Variants in DGKB observed in about 807,000 individuals in gnomAD.
DGKB encodes 90 kDa diacylglycerol kinase.
Under a neutral mutation model 114.3 loss-of-function variants are expected in DGKB, and 67 were observed. The observed-to-expected ratio is 0.59, with a 90% CI of 0.48 to 0.72. The LOEUF is 0.72. DGKB is among the 30% of genes least tolerant of loss of function. The pLI, the probability that DGKB is intolerant of heterozygous loss-of-function variation, is 0.00. For missense variants in DGKB, 907 were observed against 975.2 expected (o/e 0.93, Z 0.93); for synonymous variants, 398 against 323.1 (o/e 1.23, Z -2.49).
intron 1 of DGKB, among the ~76,000 whole-genome samples, chr7:14,943,181 GTCTA>G (rs1785669786): frequency 6.6e-6 from 1 of 151,454 alleles, no homozygotes; most frequent in South Asian, 2.1e-4. Flanking sequence ...ATTTAAACCT[GTCTA>G]TCTGTTGTGT....
intron 23 of DGKB, among the ~76,000 whole-genome samples, chr7:14,223,272 CT>C (rs1790281164): frequency 6.6e-6 from 1 of 151,536 alleles, no homozygotes; most frequent in Admixed American, 6.6e-5. Flanking sequence ...CTTTAATGAT[CT>C]TTTTACTATC....
intron 23 of DGKB, among the ~76,000 whole-genome samples, chr7:14,210,829 G>T (rs1787649522): frequency 6.6e-6 from 1 of 152,002 alleles, no homozygotes; most frequent in Admixed American, 6.6e-5. Flanking sequence ...TCTGCTTCCT[G>T]TTACCATAGA....
At chr7:14,581,588 G>A (rs991715890) in intron 18 of DGKB, among the ~76,000 whole-genome samples, 22 of 152,078 alleles carry the variant, frequency 1.4e-4, no homozygotes, top group South Asian at 6.2e-4. Flanking sequence ...GATCTCTGCC[G>A]CTGACATCCC....
chr7:14,925,543 G>A (rs1784702850), intron 1 of DGKB, among the ~76,000 whole-genome samples: 2 of 152,038 alleles, frequency 1.3e-5, no homozygotes, highest in African/African-American at 4.8e-5. Context: ...AATATGGTAT[G>A]TCTTATTTAG....
intron 1 of DGKB, among the ~76,000 whole-genome samples, chr7:14,918,459 G>A (rs1243676069): frequency 6.6e-6 from 1 of 152,062 alleles, no homozygotes; most frequent in Non-Finnish European, 1.5e-5. Context: ...TCTATACACT[G>A]ACAATGAACA....
chr7:14,368,996 T>C (rs961773863), intron 21 of DGKB, among the ~76,000 whole-genome samples: 1 of 152,108 alleles, frequency 6.6e-6, no homozygotes, highest in East Asian at 1.9e-4. Flanking sequence ...TAGGTATACA[T>C]GTGCCATGGT....
At chr7:14,404,132 GGTT>G (rs1823570249) in intron 21 of DGKB, among the ~76,000 whole-genome samples, 1 of 150,824 alleles carries the variant, frequency 6.6e-6, no homozygotes, top group Non-Finnish European at 1.5e-5. Context: ...TATTTAGTGA[GGTT>G]GGATATCTAC....
At chr7:14,270,684 A>G (rs962026161) in intron 23 of DGKB, among the ~76,000 whole-genome samples, 1 of 152,344 alleles carries the variant, frequency 6.6e-6, no homozygotes. Flanking sequence ...TATACATAAG[A>G]AATATTTTCT....
chr7:14,928,775 G>C (rs978541962), intron 1 of DGKB, among the ~76,000 whole-genome samples: 2 of 151,776 alleles, frequency 1.3e-5, no homozygotes, highest in African/African-American at 4.8e-5. Context: ...TACATCATCA[G>C]AATAATGTAT....
chr7:14,168,267 T>C (rs930663846), intron 25 of DGKB, among the ~76,000 whole-genome samples: 6 of 151,826 alleles, frequency 4.0e-5, no homozygotes, highest in South Asian at 2.1e-4. Flanking sequence ...ATGTAAACAA[T>C]AGAAAATATA....
At chr7:14,184,179 A>G (rs1783055473) in intron 23 of DGKB, among the ~76,000 whole-genome samples, 1 of 152,130 alleles carries the variant, frequency 6.6e-6, no homozygotes, top group African/African-American at 2.4e-5. Flanking sequence ...CTGGCACCAT[A>G]CCACAGGGAT....
intron 8 of DGKB, 72 bp downstream of exon 8, chr7:14,698,023 G>T: frequency 3.8e-6 from 3 of 798,436 alleles, no homozygotes; most frequent in South Asian, 3.1e-5. Flanking sequence ...GAAAGAGAAA[G>T]AAAGAAAGAA....
At chr7:14,801,895 T>C (rs1200063369) in intron 2 of DGKB, among the ~76,000 whole-genome samples, 1 of 141,830 alleles carries the variant, frequency 7.1e-6, no homozygotes, top group South Asian at 2.2e-4. Context: ...TGTATATATA[T>C]ATACACACAT....
chr7:14,945,897 C>T (rs911106507), intron 1 of DGKB, among the ~76,000 whole-genome samples: 8 of 151,454 alleles, frequency 5.3e-5, no homozygotes, highest in Admixed American at 3.3e-4. Context: ...CAAGTCACAA[C>T]GTTTTCCTGA....
chr7:14,748,578 G>A (rs1564092549), intron 4 of DGKB, among the ~76,000 whole-genome samples: 1 of 152,114 alleles, frequency 6.6e-6, no homozygotes, highest in African/African-American at 2.4e-5. Flanking sequence ...GAGGACCAGA[G>A]TAGTAGAATA....
Position 14,178,144 on chromosome 7 carries a change from A to C in DGKB, c.2130T>G (p.Ser710Arg). The change falls in exon 24 of 26, where the codon AGT becomes AGG. Residue 710 changes from serine to arginine, a missense_variant. Physicochemically the swap from Ser to Arg is moderately radical, Grantham distance 110. This residue lies in a region of DGKB where 814 missense variants were observed against 856.6 expected (regional missense o/e 0.95). Coordinates refer to ENST00000402815, the MANE Select transcript of DGKB (RefSeq NM_001350709.2). ...AGCCGACCACCTCCAGCAGCTGGTCACTGAGATCTGAAAGAAAGTAGATGC... is the reference window on the plus strand; with the variant it reads ...AGCCGACCACCTCCAGCAGCTGGTCCCTGAGATCTGAAAGAAAGTAGATGC... ...KELKFASQDL[S>R]DQLLEVVGLE... 6.2e-7 allele frequency: 1 copy of C among 1,613,594 alleles called. No individual in the cohort carries two copies. Among genetic ancestry groups the C allele is most frequent in the Non-Finnish European group, 8.5e-7 (1 of 1,179,788 alleles).
intron 21 of DGKB, among the ~76,000 whole-genome samples, chr7:14,359,310 A>C (rs1815231043): frequency 6.6e-6 from 1 of 152,156 alleles, no homozygotes; most frequent in South Asian, 2.1e-4. Context: ...CTTATACAAA[A>C]ATTAATTCAA....
At chr7:14,688,981 G>C (rs965063402) in intron 9 of DGKB, among the ~76,000 whole-genome samples, 1 of 151,630 alleles carries the variant, frequency 6.6e-6, no homozygotes, top group African/African-American at 2.4e-5. Context: ...TTTTTCAGAA[G>C]ACCTCAAGGA....
chr7:14,647,880 G>A (rs1306106970), intron 13 of DGKB, among the ~76,000 whole-genome samples: 1 of 152,220 alleles, frequency 6.6e-6, no homozygotes, highest in Non-Finnish European at 1.5e-5. Flanking sequence ...AGAAAGGGGT[G>A]ACGGACAGCA....
Sources: gnomAD v4.1 joint callset for allele counts (sites outside exome capture counted in the v4.1 genomes callset) on GRCh38, gnomAD v4.1.1 for gene constraint, gnomAD v4.1.1 regional missense constraint, MANE v1.5 for transcripts, NCBI Gene and HGNC (gene_info 2026-07-23, HGNC 2026-07-21) for gene names.